The following MAP3K7CL variants were observed in gnomAD, a reference collection of about 807,000 sequenced individuals.
MAP3K7CL encodes the protein MAP3K7 C-terminal like.
Under a neutral mutation model 18.6 loss-of-function variants are expected in MAP3K7CL, and 16 were observed. That is an observed-to-expected ratio of 0.86 (90% CI 0.58 to 1.31). The LOEUF (loss-of-function observed/expected upper bound fraction) is 1.31. MAP3K7CL is among the 50% of genes most tolerant of loss of function. MAP3K7CL has a pLI of 0.00. For synonymous variants in MAP3K7CL, 65 were observed against 66.8 expected, an observed-to-expected ratio of 0.97 and a Z score of 0.13; for missense variants, 163 against 174.4, an observed-to-expected ratio of 0.93 and a Z score of 0.37.
chr21:29,107,320 A>G (rs796948047), intron 4 of MAP3K7CL, among the ~76,000 whole-genome samples: 39 of 152,280 alleles, frequency 2.6e-4, no homozygotes, highest in African/African-American at 9.4e-4. Context: ...ATCTAAAAAA[A>G]GGAAAGAAAG....
At chr21:29,153,635 G>A (rs1296962935) in intron 3 of MAP3K7CL, among the ~76,000 whole-genome samples, 1 of 152,106 alleles carries the variant, frequency 6.6e-6, no homozygotes, top group African/African-American at 2.4e-5. Context: ...TTTTTGTAGA[G>A]ATGGGGTTTT....
chr21:29,163,693 C>CTT (rs397866386), intron 4 of MAP3K7CL, among the ~76,000 whole-genome samples: 3,997 of 125,958 alleles, frequency 0.032, 268 homozygotes, highest in African/African-American at 0.11. Context: ...CCCTTTCTTC[C>CTT]TTTTTTTTTT....
upstream of MAP3K7CL, among the ~76,000 whole-genome samples, chr21:29,081,704 A>G (rs1480939829): frequency 6.6e-6 from 1 of 152,188 alleles, no homozygotes; most frequent in Non-Finnish European, 1.5e-5. Flanking sequence ...TTTACTGGTT[A>G]TTCTTTTTTA....
At chr21:29,115,934 G>A (rs934951342) in intron 4 of MAP3K7CL, among the ~76,000 whole-genome samples, 2 of 152,230 alleles carry the variant, frequency 1.3e-5, no homozygotes, top group African/African-American at 4.8e-5. Context: ...GGAGTAATCT[G>A]GGAACCAGAG....
In MAP3K7CL at chr21:29,090,718, T is replaced by C. The variant is rs527586370; in HGVS notation, c.58-783T>C. ...AGAAAAATCAATTTTAGTGACTTTTTTTGCATGGAGCCAGGATCATCAAGC... is the reference window on the plus strand; with the variant it reads ...AGAAAAATCAATTTTAGTGACTTTTCTTGCATGGAGCCAGGATCATCAAGC... On this transcript the variant is annotated intron_variant, in intron 1 of 6. Transcript: ENST00000286791. Among the ~76,000 whole-genome samples, 3 of 151,968 alleles carry C rather than the reference T, an allele frequency of 2.0e-5. No homozygotes were observed. The South Asian group carries it at 6.2e-4, about 32-fold the overall frequency.
At chr21:29,102,211 G>A (rs2086241846) in intron 4 of MAP3K7CL, among the ~76,000 whole-genome samples, 1 of 152,174 alleles carries the variant, frequency 6.6e-6, no homozygotes, top group African/African-American at 2.4e-5. Context: ...AGTCCAGGTT[G>A]GATTTCAGTC....
rs75680453 is a variant in MAP3K7CL, at chr21:29,155,440, C to T, written c.133-4501C>T. ...AAATAGAAAACGGAAACGCCCGAGC[C>T]GGCTTTGCTCCTAGCTGAGGGTGGC... is the stretch of plus-strand genomic sequence containing the variant. On this transcript the variant is annotated intron_variant, in intron 3 of 4. Transcript: ENST00000399928. Among the ~76,000 whole-genome samples, 1,161 of 152,278 alleles carry T rather than the reference C, an allele frequency of 7.6e-3. 20 individuals carry two copies. Among genetic ancestry groups the T allele is most frequent in the African/African-American group, 0.027 (1,114 of 41,534 alleles).
intron 1 of MAP3K7CL, among the ~76,000 whole-genome samples, chr21:29,078,057 GTT>G (rs2085778036): frequency 6.6e-6 from 1 of 152,004 alleles, no homozygotes; most frequent in Admixed American, 6.5e-5. Flanking sequence ...CGTCAGAATT[GTT>G]TAATGTTTTT....
At chr21:29,120,899 C>T (rs1158237546) in intron 4 of MAP3K7CL, among the ~76,000 whole-genome samples, 7 of 151,504 alleles carry the variant, frequency 4.6e-5, no homozygotes. Context: ...AACCCCACTT[C>T]TACAAAAAAT....
intron 1 of MAP3K7CL, among the ~76,000 whole-genome samples, chr21:29,088,231 T>C (rs1011228759): frequency 1.3e-5 from 2 of 152,358 alleles, no homozygotes; most frequent in South Asian, 2.1e-4. Flanking sequence ...GAAGCTTTAA[T>C]AGGCACACAA....
At chr21:29,161,167 G>A (rs1026483207) in intron 4 of MAP3K7CL, among the ~76,000 whole-genome samples, 6 of 152,086 alleles carry the variant, frequency 3.9e-5, no homozygotes, top group African/African-American at 9.7e-5. Context: ...AAAATTAGCC[G>A]GGTGTGGTGG....
chr21:29,170,599 A>G (rs1434154634), intron 4 of MAP3K7CL, among the ~76,000 whole-genome samples: 1 of 151,960 alleles, frequency 6.6e-6, no homozygotes, highest in African/African-American at 2.4e-5. Flanking sequence ...GATCTGTTTG[A>G]TGCATAGGGG....
At chr21:29,087,783 C>CG (rs2085952795) in intron 1 of MAP3K7CL, among the ~76,000 whole-genome samples, 1 of 151,726 alleles carries the variant, frequency 6.6e-6, no homozygotes, top group Non-Finnish European at 1.5e-5. Context: ...TTAGTAGAGA[C>CG]GGGGTTTCAC....
At chr21:29,145,076 G>T (rs545261970) in intron 2 of MAP3K7CL, among the ~76,000 whole-genome samples, 52 of 152,206 alleles carry the variant, frequency 3.4e-4, no homozygotes, top group Non-Finnish European at 3.4e-4. Context: ...GATACATTTT[G>T]CTTGGTCTAG....
chr21:29,137,474 G>A (rs372225077), intron 2 of MAP3K7CL, among the ~76,000 whole-genome samples: 2 of 152,140 alleles, frequency 1.3e-5, no homozygotes, highest in African/African-American at 4.8e-5. Context: ...GTCAAACTGG[G>A]CTTGAGGGCA....
chr21:29,114,838 T>G (rs2086479057), intron 4 of MAP3K7CL, among the ~76,000 whole-genome samples: 1 of 152,312 alleles, frequency 6.6e-6, no homozygotes, highest in Middle Eastern at 3.4e-3. Flanking sequence ...AGCTCAAATA[T>G]TCTAGTCAAA....
At chr21:29,126,688 A>G (rs1372651616), upstream of MAP3K7CL, among the ~76,000 whole-genome samples, 1 of 151,978 alleles carries the variant, frequency 6.6e-6, no homozygotes, top group Admixed American at 6.6e-5. Flanking sequence ...CAAATTCCTG[A>G]CCTTAGGTGA....
chr21:29,131,093 C>T (rs1029801908), intron 1 of MAP3K7CL, 170 bp downstream of exon 1: 2 of 185,728 alleles, frequency 1.1e-5, no homozygotes, highest in African/African-American at 4.8e-5. Flanking sequence ...TGGTGTGGAA[C>T]TCAAAGTCCA....
At chr21:29,095,483 C>T (rs147798473) in intron 4 of MAP3K7CL, among the ~76,000 whole-genome samples, 4 of 152,264 alleles carry the variant, frequency 2.6e-5, no homozygotes, top group Admixed American at 1.3e-4. Flanking sequence ...GCCTCTTGCC[C>T]GCACTGTTGT....
Sources: allele counts gnomAD v4.1 joint callset (sites outside exome capture counted in the v4.1 genomes callset), GRCh38; gene constraint gnomAD v4.1.1; transcripts MANE v1.5; gene names NCBI Gene and HGNC (gene_info 2026-07-23, HGNC 2026-07-21).